KCNIP4: variants seen among roughly 807,000 people sequenced by gnomAD.
The protein encoded by KCNIP4 is Kv channel-interacting protein 4.
Under a neutral mutation model 34.0 loss-of-function variants are expected in KCNIP4, and 12 were observed. The ratio of observed to expected loss-of-function variants is 0.35; its 90% CI spans 0.23 to 0.57. KCNIP4 has a LOEUF of 0.57. Among genes scored for constraint, KCNIP4 ranks in the 20% least tolerant of loss-of-function variants. KCNIP4 has a pLI of 0.83. For missense variants in KCNIP4, 238 were observed against 311.7 expected (o/e 0.76, Z 1.78); for synonymous variants, 124 against 102.2 (o/e 1.21, Z -1.29).
chr4:21,475,960 T>G (rs1730917477), intron 1 of KCNIP4, among the ~76,000 whole-genome samples: 1 of 152,130 alleles, frequency 6.6e-6, no homozygotes, highest in African/African-American at 2.4e-5. Context: ...AAATTCTTAT[T>G]CCTGCAGTGC....
intron 1 of KCNIP4, among the ~76,000 whole-genome samples, chr4:20,907,248 C>A (rs542227314): frequency 6.6e-6 from 1 of 152,050 alleles, no homozygotes; most frequent in African/African-American, 2.4e-5. Flanking sequence ...AAATTTATTA[C>A]GGTGTTTTGG....
intron 1 of KCNIP4, among the ~76,000 whole-genome samples, chr4:21,505,353 G>A (rs146017647): frequency 6.6e-6 from 1 of 151,966 alleles, no homozygotes; most frequent in African/African-American, 2.4e-5. Flanking sequence ...GATAGGTTGT[G>A]AGGCTGGCAA....
intron 3 of KCNIP4, among the ~76,000 whole-genome samples, chr4:20,820,117 G>T (rs1349781738): frequency 6.6e-6 from 1 of 152,196 alleles, no homozygotes; most frequent in Non-Finnish European, 1.5e-5. Context: ...CATTAAGGCA[G>T]TTCTGGTGAT....
intron 1 of KCNIP4, among the ~76,000 whole-genome samples, chr4:21,872,421 G>A (rs1578096354): frequency 6.6e-6 from 1 of 152,270 alleles, no homozygotes; most frequent in East Asian, 1.9e-4. Context: ...TTTAAAGGCA[G>A]GAGTGATCCA....
At chr4:20,779,622 A>C (rs1756693467) in intron 3 of KCNIP4, among the ~76,000 whole-genome samples, 1 of 133,452 alleles carries the variant, frequency 7.5e-6, no homozygotes, top group South Asian at 2.7e-4. Flanking sequence ...AAAAAATTTC[A>C]GGTATAATTA....
intron 1 of KCNIP4, among the ~76,000 whole-genome samples, chr4:21,095,804 G>A (rs1312852006): frequency 6.6e-6 from 1 of 152,016 alleles, no homozygotes; most frequent in Non-Finnish European, 1.5e-5. Flanking sequence ...GAAAAGGCAG[G>A]TGCAGCAGGT....
chr4:20,976,170 T>A (rs1416810906), intron 1 of KCNIP4, among the ~76,000 whole-genome samples: 1 of 152,178 alleles, frequency 6.6e-6, no homozygotes, highest in Middle Eastern at 3.2e-3. Context: ...TTCTCAAAGT[T>A]TGGCCCCTGG....
intron 2 of KCNIP4, among the ~76,000 whole-genome samples, chr4:20,875,247 A>G (rs1322743585): frequency 1.3e-5 from 2 of 152,194 alleles, no homozygotes; most frequent in East Asian, 3.9e-4. Context: ...ACGTAACTAG[A>G]GAATTGGTAA....
At chr4:21,526,250 T>A (rs929880104) in intron 1 of KCNIP4, among the ~76,000 whole-genome samples, 11 of 152,086 alleles carry the variant, frequency 7.2e-5, no homozygotes, top group African/African-American at 2.7e-4. Context: ...GATCTTGTGA[T>A]AGTGAATAAG....
intron 1 of KCNIP4, among the ~76,000 whole-genome samples, chr4:21,945,992 G>A (rs377708720): frequency 6.8e-6 from 1 of 147,512 alleles, no homozygotes; most frequent in Non-Finnish European, 1.5e-5. Flanking sequence ...TGATTTACAG[G>A]TGGTGTTCAT....
At chr4:21,554,114 C>T (rs1288414792) in intron 1 of KCNIP4, among the ~76,000 whole-genome samples, 1 of 152,068 alleles carries the variant, frequency 6.6e-6, no homozygotes, top group Non-Finnish European at 1.5e-5. Context: ...GGAGGATGCT[C>T]TTTGGAGACA....
Position 20,950,398 on chromosome 4 carries a change from T to C in KCNIP4, c.62-67689A>G, listed in dbSNP as rs567614770. On this transcript the variant is annotated intron_variant, in intron 1 of 8. Transcript: ENST00000382152. ...CCGAGGGGTTCATTTGATTCCGTTG[T>C]TGTGGATATTTCATTCTGTCCACTT... is the stretch of plus-strand genomic sequence containing the variant. Among the ~76,000 whole-genome samples the C allele has an allele frequency of 3.9e-5, 6 of 152,270 alleles. No homozygotes were observed. In the South Asian group the frequency reaches 1.2e-3, roughly 32 times the overall value.
intron 1 of KCNIP4, among the ~76,000 whole-genome samples, chr4:21,447,180 AAGGT>A (rs1158510884): frequency 6.6e-6 from 1 of 152,152 alleles, no homozygotes; most frequent in Non-Finnish European, 1.5e-5. Context: ...CTTTAACAGA[AAGGT>A]AGAAGGAGAT....
At chr4:21,081,478 C>A (rs1013173925) in intron 1 of KCNIP4, among the ~76,000 whole-genome samples, 1 of 151,572 alleles carries the variant, frequency 6.6e-6, no homozygotes, top group Non-Finnish European at 1.5e-5. Context: ...TCATTAACTT[C>A]GGTAGTATGT....
At chr4:21,055,820 T>A (rs1458779354) in intron 1 of KCNIP4, among the ~76,000 whole-genome samples, 1 of 152,154 alleles carries the variant, frequency 6.6e-6, no homozygotes, top group Non-Finnish European at 1.5e-5. Context: ...AGAGGATTAT[T>A]AACGAAGTAA....
At chr4:21,218,221 G>A (rs912675330) in intron 1 of KCNIP4, among the ~76,000 whole-genome samples, 1 of 151,588 alleles carries the variant, frequency 6.6e-6, no homozygotes, top group African/African-American at 2.4e-5. Context: ...CACCATGTTG[G>A]CCAGGTTGGT....
intron 1 of KCNIP4, among the ~76,000 whole-genome samples, chr4:21,607,068 G>A (rs1743754380): frequency 6.6e-6 from 1 of 151,612 alleles, no homozygotes; most frequent in African/African-American, 2.4e-5. Context: ...ATATTAGTAG[G>A]GTCCATGAAT....
intron 1 of KCNIP4, among the ~76,000 whole-genome samples, chr4:21,254,728 G>A (rs1760944049): frequency 6.6e-6 from 1 of 152,030 alleles, no homozygotes; most frequent in African/African-American, 2.4e-5. Flanking sequence ...GAAAATTAAG[G>A]CTGAGAAGAG....
intron 1 of KCNIP4, among the ~76,000 whole-genome samples, chr4:21,214,166 A>C (rs528394878): frequency 6.6e-6 from 1 of 152,302 alleles, no homozygotes; most frequent in South Asian, 2.1e-4. Flanking sequence ...ATTTGATGTT[A>C]ATATACCAGG....
Sources: gnomAD v4.1 joint callset for allele counts (sites outside exome capture counted in the v4.1 genomes callset) on GRCh38, gnomAD v4.1.1 for gene constraint, MANE v1.5 for transcripts, NCBI Gene and HGNC (gene_info 2026-07-23, HGNC 2026-07-21) for gene names.